Variants in DGKG observed in about 807,000 individuals in gnomAD.
The protein encoded by DGKG is DAG kinase gamma.
In DGKG, 78 loss-of-function variants were observed where a neutral mutation model predicts 105.3. The ratio of observed to expected loss-of-function variants is 0.74; its 90% CI spans 0.62 to 0.89. The LOEUF (loss-of-function observed/expected upper bound fraction) is 0.89. Ranked by LOEUF, DGKG falls within the 40% of genes least tolerant of loss-of-function variation. The pLI is 0.00. For synonymous variants in DGKG, 346 were observed against 367.1 expected (o/e 0.94, Z 0.66); for missense variants, 958 against 1,020.1 (o/e 0.94, Z 0.83).
chr3:186,187,477 G>A (rs1177817925), intron 22 of DGKG, among the ~76,000 whole-genome samples: 1 of 152,188 alleles, frequency 6.6e-6, no homozygotes, highest in Non-Finnish European at 1.5e-5. Context: ...AGTGGAGAAG[G>A]TTTGGGGGAG....
At chr3:186,175,235 G>A (rs1293463746) in intron 22 of DGKG, among the ~76,000 whole-genome samples, 1 of 152,158 alleles carries the variant, frequency 6.6e-6, no homozygotes, top group African/African-American at 2.4e-5. Context: ...AAGGGCAGAT[G>A]GGTAGGAGAC....
rs542630534 is a variant in DGKG at position 186,272,342 on chromosome 3, G to A, written c.912C>T (p.Tyr304=). 2.7e-5 allele frequency: 43 copies of A among 1,611,586 alleles called. No homozygotes were observed. The East Asian group carries it at 8.0e-4, about 30-fold the overall frequency. Residue 304 remains tyrosine, a splice_region_variant and synonymous_variant, in exon 11 of 25, where the codon TAC becomes TAT. Transcript: ENST00000265022. ...AGCGTTCGTGGACAGTGTATTTACA[G>A]TCTGAAAAGAAAAAAAGTCAAGGCA... ...GVRKQGLCCT[Y]CKYTVHERCV...
At chr3:186,267,498 G>T in intron 13 of DGKG, 187 bp downstream of exon 13, 1 of 561,284 alleles carries the variant, frequency 1.8e-6, no homozygotes, top group South Asian at 2.1e-5. Context: ...AGACGTGTCT[G>T]CCTGTGTAAC....
At chr3:186,320,311 G>T in intron 2 of DGKG, 82 bp downstream of exon 2, 2 of 1,544,546 alleles carry the variant, frequency 1.3e-6, no homozygotes, top group African/African-American at 1.4e-5. Context: ...GCTTTGCAAT[G>T]ATCATACTGC....
chr3:186,182,647 T>G (rs1717414552), intron 22 of DGKG, among the ~76,000 whole-genome samples: 2 of 152,200 alleles, frequency 1.3e-5, no homozygotes. Flanking sequence ...GAGTTTATAA[T>G]AGCTCCATGA....
At chr3:186,174,172 A>G (rs187360585) in intron 22 of DGKG, among the ~76,000 whole-genome samples, 3 of 152,376 alleles carry the variant, frequency 2.0e-5, no homozygotes, top group South Asian at 4.1e-4. Context: ...AATAGATACA[A>G]TAAGTCACTG....
Position 186,330,960 on chromosome 3 carries a change from G to A in DGKG, c.-248-10253C>T, listed in dbSNP as rs73060007. 5.8e-3 allele frequency among the ~76,000 whole-genome samples: 877 copies of A among 152,316 alleles called. 12 individuals carry two copies. Among genetic ancestry groups the A allele is most frequent in the African/African-American group, 0.02 (843 of 41,554 alleles). Reference sequence around the variant, plus strand: ...GACAACTACACAAGCACTTTTAGGGGCAGGTTATGCATGTGTCTATTTGGC... The same window carrying A: ...GACAACTACACAAGCACTTTTAGGGACAGGTTATGCATGTGTCTATTTGGC... On this transcript the variant is annotated intron_variant, in intron 1 of 24. Coordinates refer to ENST00000265022, the MANE Select transcript of DGKG (RefSeq NM_001346.3).
chr3:186,351,545 T>G (rs915436876), intron 1 of DGKG, among the ~76,000 whole-genome samples: 4 of 152,150 alleles, frequency 2.6e-5, no homozygotes, highest in African/African-American at 2.4e-5. Flanking sequence ...AACTACTGGG[T>G]TCAGTGGTGA....
intron 21 of DGKG, among the ~76,000 whole-genome samples, chr3:186,189,060 G>A (rs144102719): frequency 1.3e-5 from 2 of 152,028 alleles, no homozygotes; most frequent in Non-Finnish European, 2.9e-5. Context: ...TGATCCGCCC[G>A]CCTCAGCCTC....
intron 17 of DGKG, 100 bp downstream of exon 17, chr3:186,257,754 C>T: frequency 1.2e-6 from 1 of 830,924 alleles, no homozygotes; most frequent in Non-Finnish European, 2.0e-6. Context: ...CAAGGATGAA[C>T]AGACATGGCT....
At chr3:186,259,105 G>C (rs1333875830) in intron 16 of DGKG, among the ~76,000 whole-genome samples, 3 of 103,068 alleles carry the variant, frequency 2.9e-5, no homozygotes, top group South Asian at 2.8e-4. Flanking sequence ...GCTCTCCGAC[G>C]GGACTCTCCG....
chr3:186,242,443 G>A, intron 20 of DGKG, 61 bp downstream of exon 20: 3 of 1,428,516 alleles, frequency 2.1e-6, no homozygotes, highest in Non-Finnish European at 2.9e-6. Flanking sequence ...GCAGGTGAAA[G>A]GCCTCTGTTC....
At chr3:186,301,712 A>G (rs970578153) in intron 3 of DGKG, among the ~76,000 whole-genome samples, 1 of 152,250 alleles carries the variant, frequency 6.6e-6, no homozygotes, top group Admixed American at 6.5e-5. Flanking sequence ...TACACTATAC[A>G]TTATAAAATA....
Position 186,210,553 on chromosome 3 carries a change from C to T in DGKG, c.1917+1242G>A. On this transcript the variant is annotated intron_variant, in intron 21 of 24. Coordinates refer to ENST00000265022, the MANE Select transcript of DGKG (RefSeq NM_001346.3). The surrounding 1 kb of genome is among the most constrained non-coding windows in gnomAD (Gnocchi z 5.2). Reference sequence around the variant, plus strand: ...TAACCCAGCAACCGAAGAGGAGAGGCAGGCAGATGAGTCAAATGCAGCCGC... The same window carrying T: ...TAACCCAGCAACCGAAGAGGAGAGGTAGGCAGATGAGTCAAATGCAGCCGC... The T allele has an allele frequency of 2.2e-6, 1 of 452,318 alleles. No individual in the cohort carries two copies. Among genetic ancestry groups the T allele is most frequent in the South Asian group, 1.6e-5 (1 of 64,318 alleles). 28.0% of individuals were successfully genotyped at this position (452,318 alleles called of 1,614,324 possible).
intron 19 of DGKG, among the ~76,000 whole-genome samples, chr3:186,244,177 A>C (rs1383963679): frequency 6.6e-6 from 1 of 151,978 alleles, no homozygotes; most frequent in Non-Finnish European, 1.5e-5. Flanking sequence ...AATGTGAGCC[A>C]CTGCACCTGG....
At chr3:186,272,190 C>A (rs772200525) in intron 11 of DGKG, 65 bp downstream of exon 11, 24 of 1,299,242 alleles carry the variant, frequency 1.8e-5, no homozygotes, top group Non-Finnish European at 2.7e-5. Flanking sequence ...GCCCAGGAAT[C>A]CATGTTGATG....
intron 1 of DGKG, among the ~76,000 whole-genome samples, chr3:186,347,974 C>T (rs895045387): frequency 5.9e-5 from 9 of 152,200 alleles, no homozygotes; most frequent in African/African-American, 1.9e-4. Flanking sequence ...TATTCATCTA[C>T]TGTCTTCTTA....
intron 1 of DGKG, among the ~76,000 whole-genome samples, chr3:186,323,532 G>A (rs1201052960): frequency 6.6e-6 from 1 of 152,224 alleles, no homozygotes; most frequent in Non-Finnish European, 1.5e-5. Flanking sequence ...GGTGGCTTAT[G>A]CCTGTAATCC....
chr3:186,324,717 G>A (rs562039817), intron 1 of DGKG, among the ~76,000 whole-genome samples: 1 of 152,308 alleles, frequency 6.6e-6, no homozygotes, highest in Admixed American at 6.5e-5. Flanking sequence ...TGGAGAAAAG[G>A]GAATGCCTAT....
Sources: allele counts gnomAD v4.1 joint callset (sites outside exome capture counted in the v4.1 genomes callset), GRCh38; gene constraint gnomAD v4.1.1; non-coding constraint Gnocchi (gnomAD v3.1); transcripts MANE v1.5; gene names NCBI Gene and HGNC (gene_info 2026-07-23, HGNC 2026-07-21).